Variants in MCOLN2 observed in about 807,000 individuals in gnomAD.
MCOLN2 encodes mucolipin TRP cation channel 2, also known as mucolipin-2.
A neutral mutation model predicts 67.5 loss-of-function variants in MCOLN2; 57 were observed. The observed-to-expected ratio is 0.84, with a 90% CI of 0.68 to 1.05. MCOLN2 has a LOEUF of 1.05. MCOLN2 is among the 50% of genes least tolerant of loss of function. The probability of loss-of-function intolerance (pLI) is 0.00; values close to 1 mark genes in which losing one functional copy is unlikely to be tolerated. For missense variants in MCOLN2, 620 were observed against 678.8 expected (o/e 0.91, Z 0.96); for synonymous variants, 246 against 233.3 (o/e 1.05, Z -0.50).
At chr1:84,952,759 A>T (rs1233564056) in intron 4 of MCOLN2, among the ~76,000 whole-genome samples, 1 of 152,252 alleles carries the variant, frequency 6.6e-6, no homozygotes, top group Non-Finnish European at 1.5e-5. Flanking sequence ...CAGTAATGAG[A>T]TAAACAGACA....
chr1:84,963,740 C>T (rs932282602), intron 2 of MCOLN2, among the ~76,000 whole-genome samples: 4 of 152,158 alleles, frequency 2.6e-5, no homozygotes, highest in Non-Finnish European at 4.4e-5. Context: ...CTCGCCTTCC[C>T]CCATGATTGT....
At chr1:84,949,095 A>G (rs949343686) in intron 6 of MCOLN2, among the ~76,000 whole-genome samples, 54 of 152,204 alleles carry the variant, frequency 3.5e-4, no homozygotes, top group Non-Finnish European at 7.3e-4. Context: ...ACACCACTGC[A>G]CTCCAGCCTA....
At position 84,960,192 on chromosome 1, in the gene MCOLN2, T is replaced by C. The variant is rs1649009761; in HGVS notation, c.238-1490A>G. Among the ~76,000 whole-genome samples, 3 of 152,226 alleles carry C rather than the reference T, an allele frequency of 2.0e-5. No individual in the cohort carries two copies. In the South Asian group the frequency reaches 6.2e-4, roughly 31 times the overall value. On this transcript the variant is annotated intron_variant, in intron 2 of 13. Coordinates refer to ENST00000370608, the MANE Select transcript of MCOLN2 (RefSeq NM_153259.4). The stretch of plus-strand genomic sequence containing the variant: ...TAATCACCATTTTCAGCAATTATTA[T>C]ATGCCAGGTACTGTGCTAACTGCTT...
rs754479412 is a variant in MCOLN2, at chr1:84,958,586, G to T, written c.354C>A (p.Ser118Arg). ...CATCCTCTTGAGTATATACACTGCA[G>T]CTGTAGTCATCTTCATCTGTACCAG... Reference protein sequence around the residue: ...GYSGTDEDDYSCSVYTQEDAY... With the variant: ...GYSGTDEDDYRCSVYTQEDAY... The change falls in exon 3 of 14, where the codon AGC becomes AGA. Residue 118 changes from serine to arginine, a missense_variant. Physicochemically the swap from Ser to Arg is moderately radical, Grantham distance 110. Transcript: ENST00000370608. 1 of 1,611,228 alleles carries T rather than the reference G, an allele frequency of 6.2e-7. No homozygotes were observed. The highest frequency in any genetic ancestry group is 1.7e-5 in the Admixed American group (1 of 58,978).
chr1:84,995,958 GT>G (rs1218073852), intron 1 of MCOLN2, among the ~76,000 whole-genome samples: 2 of 152,230 alleles, frequency 1.3e-5, no homozygotes, highest in African/African-American at 4.8e-5. Flanking sequence ...CGTTTTTAGA[GT>G]TCCGGCCACA....
Position 84,958,554 on chromosome 1 carries a change from TCATAGG to T in MCOLN2, c.380_385del (p.Ala127_Tyr128del). ...CTGATTAATAGCAAAAAAGATGCTCTCATAGGCATCCTCTTGAGTATATACACTGCA... is the reference window on the plus strand; with the variant it reads ...CTGATTAATAGCAAAAAAGATGCTCTCATCCTCTTGAGTATATACACTGCA... On this transcript the variant is annotated inframe_deletion, in exon 3 of 14. Transcript: ENST00000370608. 1 of 1,604,542 alleles carries T rather than the reference TCATAGG, an allele frequency of 6.2e-7. No individual in the cohort carries two copies. Among genetic ancestry groups the T allele is most frequent in the Non-Finnish European group, 8.5e-7 (1 of 1,178,148 alleles).
intron 7 of MCOLN2, among the ~76,000 whole-genome samples, chr1:84,942,974 T>C (rs900580823): frequency 2.0e-4 from 31 of 152,154 alleles, no homozygotes; most frequent in Non-Finnish European, 3.4e-4. Flanking sequence ...ACTGAAAGAA[T>C]GCATTTCTTT....
chr1:84,955,201 G>A (rs1004511496), intron 4 of MCOLN2, among the ~76,000 whole-genome samples: 1 of 152,120 alleles, frequency 6.6e-6, no homozygotes, highest in Non-Finnish European at 1.5e-5. Context: ...CACCATGATT[G>A]TAAGTTTCCT....
intron 9 of MCOLN2, 23 bp downstream of exon 9, chr1:84,939,530 G>GA (rs1472682775): frequency 2.7e-5 from 43 of 1,611,242 alleles, no homozygotes; most frequent in Non-Finnish European, 3.5e-5. Context: ...GAAGAACAGA[G>GA]ACTTTAAATG....
intron 1 of MCOLN2, among the ~76,000 whole-genome samples, chr1:84,987,343 T>C (rs888125478): frequency 6.9e-6 from 1 of 143,934 alleles, no homozygotes; most frequent in South Asian, 2.1e-4. Flanking sequence ...GATATATGTA[T>C]ATAGATATAT....
At position 84,963,011 on chromosome 1, in the gene MCOLN2, G is replaced by A. The variant is rs537701698; in HGVS notation, c.237+2538C>T. 9.2e-5 allele frequency among the ~76,000 whole-genome samples: 14 copies of A among 152,278 alleles called. No homozygotes were observed. In the South Asian group the frequency reaches 2.9e-3, roughly 32 times the overall value. On this transcript the variant is annotated intron_variant, in intron 2 of 13. Coordinates refer to ENST00000370608, the MANE Select transcript of MCOLN2 (RefSeq NM_153259.4). ...ATTAACTTATCTATATTCCAACACT[G>A]CAAACTCTGAGGACAGGACCTATAT... is the stretch of plus-strand genomic sequence containing the variant.
At chr1:84,964,372 T>C (rs1408446145) in intron 2 of MCOLN2, among the ~76,000 whole-genome samples, 1 of 152,198 alleles carries the variant, frequency 6.6e-6, no homozygotes, top group Non-Finnish European at 1.5e-5. Flanking sequence ...GATAACAGAA[T>C]GATTATTTGC....
chr1:84,990,281 G>T (rs1343328047), intron 1 of MCOLN2, among the ~76,000 whole-genome samples: 5 of 88,674 alleles, frequency 5.6e-5, no homozygotes, highest in African/African-American at 2.2e-4. Flanking sequence ...CTGGGCAACA[G>T]AATGAGACTC....
At chr1:84,929,710 T>C in intron 12 of MCOLN2, 31 bp from the exon 13 acceptor site, 1 of 1,595,038 alleles carries the variant, frequency 6.3e-7, no homozygotes. Context: ...TGTTACCTTA[T>C]TTATAAGGCA....
At chr1:84,936,867 AT>A (rs1647462485) in intron 11 of MCOLN2, among the ~76,000 whole-genome samples, 1 of 152,216 alleles carries the variant, frequency 6.6e-6, no homozygotes, top group Non-Finnish European at 1.5e-5. Context: ...AATACTTACC[AT>A]TTTTAACCTC....
intron 7 of MCOLN2, among the ~76,000 whole-genome samples, chr1:84,942,083 T>C (rs1384287915): frequency 1.3e-5 from 2 of 152,078 alleles, no homozygotes; most frequent in South Asian, 4.2e-4. Flanking sequence ...GAACAGCACT[T>C]CTCCCACATG....
Position 84,929,547 on chromosome 1 carries a change from A to T in MCOLN2, c.1664+11T>A. 6.2e-7 allele frequency: 1 copy of T among 1,607,764 alleles called. No individual in the cohort carries two copies. The highest frequency in any genetic ancestry group is 8.5e-7 in the Non-Finnish European group (1 of 1,175,762). ...CATCTCAGGAGCATGGAGAATAAACATGATACTGACCTCCTCCGACAGCAG... is the reference window on the plus strand; with the variant it reads ...CATCTCAGGAGCATGGAGAATAAACTTGATACTGACCTCCTCCGACAGCAG... On this transcript the variant is annotated intron_variant, in intron 13 of 13. Transcript: ENST00000370608.
At chr1:84,926,981 C>G (rs1482113885) in intron 13 of MCOLN2, among the ~76,000 whole-genome samples, 1 of 151,798 alleles carries the variant, frequency 6.6e-6, no homozygotes, top group Non-Finnish European at 1.5e-5. Flanking sequence ...TGAGGAGTCA[C>G]CTGTCTCTTA....
At chr1:84,955,359 G>A (rs473957) in intron 4 of MCOLN2, among the ~76,000 whole-genome samples, 53,805 of 151,894 alleles carry the variant, frequency 0.35, 9,914 homozygotes, top group African/African-American at 0.43. Context: ...TGGCTTTCAC[G>A]GTGCGAAACA....
Sources: gnomAD v4.1 joint callset for allele counts (sites outside exome capture counted in the v4.1 genomes callset) on GRCh38, gnomAD v4.1.1 for gene constraint, MANE v1.5 for transcripts, NCBI Gene and HGNC (gene_info 2026-07-23, HGNC 2026-07-21) for gene names.